The following FLYWCH2 variants were observed in gnomAD, a reference collection of about 807,000 sequenced individuals.
FLYWCH2 encodes the protein FLYWCH family member 2.
A neutral mutation model predicts 6.0 loss-of-function variants in FLYWCH2; 2 were observed. The ratio of observed to expected loss-of-function variants is 0.33; its 90% CI spans 0.14 to 1.04. FLYWCH2 has a LOEUF of 1.04. FLYWCH2 is among the 50% of genes least tolerant of loss of function. The pLI is 0.45. For synonymous variants in FLYWCH2, 87 were observed against 79.3 expected (o/e 1.10, Z -0.52); for missense variants, 192 against 183.4 (o/e 1.05, Z -0.27).
upstream of FLYWCH2, chr16:2,883,212 G>T (rs771237749): frequency 1.3e-5 from 2 of 152,302 alleles, no homozygotes; most frequent in Non-Finnish European, 2.9e-5. Context: ...AGCGGCCCCA[G>T]CCAGAAGACA....
At chr16:2,892,993 A>T (rs1051071378) in intron 1 of FLYWCH2, among the ~76,000 whole-genome samples, 1 of 116,336 alleles carries the variant, frequency 8.6e-6, no homozygotes, top group African/African-American at 3.2e-5. Flanking sequence ...TATGTCACAT[A>T]TATACATATA....
Position 2,896,366 on chromosome 16 carries a change from A to T in FLYWCH2, c.-84A>T, listed in dbSNP as rs576093611. On this transcript the variant is annotated 5_prime_UTR_variant, in exon 3 of 4. Transcript: ENST00000396958. ...TCCTTCCTTAGGACGGAACCGCTGG[A>T]CTCCAGGTTCCTTGCCTGGGAGTAG... The T allele has an allele frequency of 3.4e-6, 5 of 1,474,728 alleles. No individual in the cohort carries two copies. The South Asian group carries it at 6.8e-5, about 20-fold the overall frequency. The allele number at this position is 1,474,728 out of a possible 1,614,324, so 91.4% of individuals were successfully genotyped here. A position where few individuals can be genotyped will look rare whatever the true frequency, so the allele number is the denominator to read the frequency against.
At position 2,899,117 on chromosome 16, in the gene FLYWCH2, C is replaced by G. The variant is rs755784897; in HGVS notation, c.391C>G (p.Pro131Ala). The change falls in exon 4 of 4, where the codon CCC becomes GCC. Residue 131 changes from proline to alanine, a missense_variant. Coordinates refer to ENST00000396958, the MANE Select transcript of FLYWCH2 (RefSeq NM_138439.3). ...TGAGGCTGCTGGGGAGAACTTTGCC[C>G]CCTGCTCTGTGGCGCCCGGCAAGTC... is the stretch of plus-strand genomic sequence containing the variant. Reference protein sequence around the residue: ...PPEAAGENFAPCSVAPGKSL With the variant: ...PPEAAGENFAACSVAPGKSL The G allele has an allele frequency of 6.2e-6, 10 of 1,613,516 alleles. No homozygotes were observed. The highest frequency in any genetic ancestry group is 1.1e-5 in the South Asian group (1 of 91,008).
chr16:2,887,149 T>G (rs1243731209), intron 1 of FLYWCH2, among the ~76,000 whole-genome samples: 2 of 151,890 alleles, frequency 1.3e-5, no homozygotes, highest in Non-Finnish European at 2.9e-5. Flanking sequence ...TAATTTTTTG[T>G]TTTTTTGTTG....
At position 2,896,351 on chromosome 16, in the gene FLYWCH2, G is replaced by A. The variant is rs2069819023; in HGVS notation, c.-98-1G>A. On this transcript the variant is annotated splice_acceptor_variant, in intron 2 of 3. Coordinates refer to ENST00000396958, the MANE Select transcript of FLYWCH2 (RefSeq NM_138439.3). LOFTEE classifies it low-confidence loss of function (5UTR_SPLICE). ...TGACGGGATTTTGCTTCCTTCCTTA[G>A]GACGGAACCGCTGGACTCCAGGTTC... 7.0e-7 allele frequency: 1 copy of A among 1,432,700 alleles called. No individual in the cohort carries two copies. The highest frequency in any genetic ancestry group is 1.4e-5 in the South Asian group (1 of 70,508). The allele number at this position is 1,432,700 out of a possible 1,614,324, so 88.7% of individuals were successfully genotyped here.
intron 1 of FLYWCH2, among the ~76,000 whole-genome samples, chr16:2,887,427 C>G (rs1392853386): frequency 1.3e-5 from 2 of 150,926 alleles, no homozygotes; most frequent in African/African-American, 4.9e-5. Flanking sequence ...TCCCAAAGTG[C>G]TAGGTTTATA....
chr16:2,884,749 T>C (rs12373081), intron 1 of FLYWCH2, among the ~76,000 whole-genome samples: 122,009 of 150,852 alleles, frequency 0.81, 49,901 homozygotes, highest in Non-Finnish European at 0.88. Context: ...TGGTGCACGC[T>C]TGTAATCCCA....
At chr16:2,889,781 T>C (rs1224396675) in intron 1 of FLYWCH2, among the ~76,000 whole-genome samples, 2 of 152,060 alleles carry the variant, frequency 1.3e-5, no homozygotes, top group Admixed American at 1.3e-4. Context: ...ATATAATAAA[T>C]TATTGTTGGT....
chr16:2,895,524 A>T (rs1442575705), intron 2 of FLYWCH2, among the ~76,000 whole-genome samples: 1 of 152,214 alleles, frequency 6.6e-6, no homozygotes, highest in Non-Finnish European at 1.5e-5. Flanking sequence ...TTGAGGCAGG[A>T]GAATGGCATG....
intron 1 of FLYWCH2, among the ~76,000 whole-genome samples, chr16:2,887,741 AT>A (rs917953054): frequency 6.6e-6 from 1 of 151,174 alleles, no homozygotes; most frequent in Non-Finnish European, 1.5e-5. Context: ...GGTTAATAAT[AT>A]TTTTTTTAGA....
intron 1 of FLYWCH2, among the ~76,000 whole-genome samples, chr16:2,891,247 C>T (rs1052610604): frequency 3.3e-5 from 5 of 152,106 alleles, no homozygotes; most frequent in African/African-American, 1.2e-4. Flanking sequence ...TGTTGGGTAG[C>T]AGTAATAGAG....
chr16:2,891,840 T>G (rs935969476), intron 1 of FLYWCH2, among the ~76,000 whole-genome samples: 1 of 151,566 alleles, frequency 6.6e-6, no homozygotes, highest in South Asian at 2.1e-4. Context: ...AGCTGCAATC[T>G]CAGGTTGCTA....
At chr16:2,894,647 A>T (rs1172032678) in intron 1 of FLYWCH2, among the ~76,000 whole-genome samples, 1 of 152,116 alleles carries the variant, frequency 6.6e-6, no homozygotes, top group Non-Finnish European at 1.5e-5. Context: ...TCCCTGCGGT[A>T]CTCTGCAGTC....
At chr16:2,894,715 C>G (rs932473896) in intron 1 of FLYWCH2, among the ~76,000 whole-genome samples, 3 of 152,224 alleles carry the variant, frequency 2.0e-5, no homozygotes, top group Non-Finnish European at 4.4e-5. Context: ...GAAGGTGCCC[C>G]TGGGGTGGGG....
At chr16:2,885,962 GT>G (rs2069694003) in intron 1 of FLYWCH2, among the ~76,000 whole-genome samples, 1 of 152,096 alleles carries the variant, frequency 6.6e-6, no homozygotes. Context: ...GTGTATGAGG[GT>G]TCCAGTTTCT....
intron 1 of FLYWCH2, among the ~76,000 whole-genome samples, chr16:2,887,152 T>G (rs1377720652): frequency 1.3e-5 from 2 of 152,032 alleles, no homozygotes; most frequent in Non-Finnish European, 2.9e-5. Context: ...TTTTTTGTTT[T>G]TTTGTTGTTT....
intron 1 of FLYWCH2, among the ~76,000 whole-genome samples, chr16:2,892,276 CCT>C (rs1317216108): frequency 3.3e-4 from 49 of 150,266 alleles, no homozygotes; most frequent in Middle Eastern, 3.7e-3. Flanking sequence ...GGGTGGATCA[CCT>C]GAGGTCAGGA....
At chr16:2,891,579 G>C (rs1415607874) in intron 1 of FLYWCH2, among the ~76,000 whole-genome samples, 1 of 151,888 alleles carries the variant, frequency 6.6e-6, no homozygotes, top group African/African-American at 2.4e-5. Context: ...TAATTTTTTT[G>C]TATTTTTAGT....
intron 1 of FLYWCH2, among the ~76,000 whole-genome samples, chr16:2,890,517 C>T (rs558035856): frequency 4.8e-4 from 73 of 151,812 alleles, no homozygotes; most frequent in Admixed American, 4.7e-3. Flanking sequence ...TGATTTCAAG[C>T]GATTCTCCTG....
Sources: gnomAD v4.1 joint callset for allele counts (sites outside exome capture counted in the v4.1 genomes callset) on GRCh38, gnomAD v4.1.1 for gene constraint, MANE v1.5 for transcripts, NCBI Gene and HGNC (gene_info 2026-07-23, HGNC 2026-07-21) for gene names.